POR: variants seen among roughly 807,000 people sequenced by gnomAD.
The protein encoded by POR is cytochrome p450 oxidoreductase, also known as NADPH--cytochrome P450 reductase.
In POR, 56 loss-of-function variants were observed where a neutral mutation model predicts 84.0. That is an observed-to-expected ratio of 0.67 (90% CI 0.54 to 0.83). The LOEUF (loss-of-function observed/expected upper bound fraction) is 0.83, where lower values mean the gene tolerates loss of function less well. Ranked by LOEUF, POR falls within the 40% of genes least tolerant of loss-of-function variation. The pLI is 0.00. For synonymous variants in POR, 414 were observed against 400.5 expected (o/e 1.03, Z -0.40); for missense variants, 938 against 944.3 (o/e 0.99, Z 0.09).
intron 1 of POR, among the ~76,000 whole-genome samples, chr7:75,932,063 C>G (rs782684028): frequency 3.3e-5 from 5 of 152,136 alleles, no homozygotes; most frequent in Middle Eastern, 3.2e-3. Context: ...AGAGGAAGAG[C>G]TGCAGAGAAA....
chr7:75,968,116 C>T, intron 2 of POR: 1 of 455,790 alleles, frequency 2.2e-6, no homozygotes, highest in East Asian at 7.0e-5. Flanking sequence ...CCTGAGGAGC[C>T]CGCTCTGAGA....
chr7:75,923,596 G>A (rs2116220305), intron 1 of POR, among the ~76,000 whole-genome samples: 1 of 152,242 alleles, frequency 6.6e-6, no homozygotes, highest in East Asian at 1.9e-4. Flanking sequence ...TCAAAGGAAA[G>A]ACAGTGGCTG....
intron 4 of POR, 135 bp downstream of exon 4, chr7:75,979,714 C>T: frequency 8.0e-7 from 1 of 1,256,266 alleles, no homozygotes; most frequent in Non-Finnish European, 1.1e-6. Flanking sequence ...AGTTGCCTTC[C>T]CGTGAGGGTC....
intron 1 of POR, among the ~76,000 whole-genome samples, chr7:75,952,143 A>C (rs1277878076): frequency 2.6e-5 from 1 of 38,194 alleles, no homozygotes; most frequent in Admixed American, 3.3e-4. Context: ...CGGGGGGCTG[A>C]CCCCCCCACC....
chr7:75,932,321 C>G (rs1215066819), intron 1 of POR, among the ~76,000 whole-genome samples: 1 of 152,024 alleles, frequency 6.6e-6, no homozygotes, highest in Non-Finnish European at 1.5e-5. Context: ...GCTAGAACTG[C>G]AGGTGTGCAC....
At chr7:75,938,014 G>A (rs1207208066) in intron 1 of POR, among the ~76,000 whole-genome samples, 1 of 152,194 alleles carries the variant, frequency 6.6e-6, no homozygotes. Context: ...ACGGGGAGCT[G>A]CAGCTGCAGC....
At chr7:75,968,557 T>G (rs1037769719) in intron 2 of POR, among the ~76,000 whole-genome samples, 25 of 152,350 alleles carry the variant, frequency 1.6e-4, no homozygotes, top group African/African-American at 6.0e-4. Context: ...GAACTTTGCT[T>G]CTTGGAGCCC....
intron 1 of POR, among the ~76,000 whole-genome samples, chr7:75,953,181 T>C (rs1787526840): frequency 1.3e-5 from 2 of 151,734 alleles, no homozygotes; most frequent in Admixed American, 6.6e-5. Context: ...CAGTCAGGCG[T>C]GGCGGCGCGC....
intron 3 of POR, among the ~76,000 whole-genome samples, chr7:75,977,407 A>C (rs1402125689): frequency 6.6e-6 from 1 of 152,214 alleles, no homozygotes; most frequent in Non-Finnish European, 1.5e-5. Context: ...AGCTACTTCT[A>C]CAGCTGCCTC....
At chr7:75,927,306 G>A (rs1350822841) in intron 1 of POR, among the ~76,000 whole-genome samples, 4 of 152,006 alleles carry the variant, frequency 2.6e-5, no homozygotes, top group Non-Finnish European at 5.9e-5. Context: ...AGGAGTTTGA[G>A]ACCAACCTGG....
intron 3 of POR, among the ~76,000 whole-genome samples, chr7:75,975,856 T>G (rs539229876): frequency 1.8e-4 from 22 of 125,056 alleles, no homozygotes; most frequent in African/African-American, 6.5e-4. Context: ...CTCACTCTGT[T>G]GCCCAGGCTG....
At chr7:75,943,646 C>G (rs1554551803) in intron 1 of POR, 2 of 269,630 alleles carry the variant, frequency 7.4e-6, no homozygotes, top group Admixed American at 4.9e-5. Context: ...TTGTACTAAA[C>G]TTTTCTCAAC....
intron 2 of POR, among the ~76,000 whole-genome samples, chr7:75,970,740 C>T (rs1187883054): frequency 6.7e-6 from 1 of 149,680 alleles, no homozygotes; most frequent in Non-Finnish European, 1.5e-5. Context: ...CAAAGCGAGA[C>T]TCCATCTCAA....
intron 3 of POR, among the ~76,000 whole-genome samples, chr7:75,975,780 G>C (rs1444332238): frequency 2.1e-5 from 3 of 143,656 alleles, no homozygotes; most frequent in African/African-American, 7.7e-5. Context: ...GTGACTTTTA[G>C]GATCAATTTG....
chr7:75,919,187 A>C (rs1806727819), intron 1 of POR, among the ~76,000 whole-genome samples: 1 of 151,988 alleles, frequency 6.6e-6, no homozygotes, highest in Non-Finnish European at 1.5e-5. Flanking sequence ...TCTTGTACTG[A>C]ATATTCTCTT....
In POR at chr7:75,979,443, TTCCTTA is replaced by T. The variant is rs1563429027; in HGVS notation, c.238-7_238-2del. On this transcript the variant is annotated splice_acceptor_variant and splice_polypyrimidine_tract_variant and intron_variant, in intron 3 of 15. Transcript: ENST00000461988. LOFTEE classifies it high-confidence loss of function. ...GGCCCTCACCAACCCTGTGTCTGCC[TTCCTTA>T]GGGGAGGAACATCATCGTGTTCTAC... The T allele has an allele frequency of 6.2e-7, 1 of 1,612,280 alleles. No homozygotes were observed. Among genetic ancestry groups the T allele is most frequent in the East Asian group, 2.2e-5 (1 of 44,854 alleles).
At position 75,980,419 on chromosome 7, in the gene POR, C is replaced by T. The variant is rs782302163; in HGVS notation, c.447C>T (p.Thr149=). ...CCACCTACGGTGAGGGAGACCCCAC[C>T]GACAATGCCCAGGACTTCTACGACT... Residue 149 remains threonine (T), a synonymous_variant, in exon 5 of 16, where the codon ACC becomes ACT. Coordinates refer to ENST00000461988, the MANE Select transcript of POR (RefSeq NM_000941.3). 16 of 1,613,328 alleles carry T rather than the reference C, an allele frequency of 9.9e-6. No homozygotes were observed. The highest frequency in any genetic ancestry group is 3.3e-5 in the Admixed American group (2 of 60,024).
chr7:75,957,628 T>C (rs1787744919), intron 2 of POR, among the ~76,000 whole-genome samples: 2 of 152,172 alleles, frequency 1.3e-5, no homozygotes, highest in Non-Finnish European at 2.9e-5. Context: ...AAGAGGAAGT[T>C]GACATAAAAC....
intron 3 of POR, among the ~76,000 whole-genome samples, chr7:75,978,973 TTTTAGTAGA>T (rs1758985587): frequency 6.6e-6 from 1 of 152,042 alleles, no homozygotes; most frequent in Non-Finnish European, 1.5e-5. Flanking sequence ...ATTTTTGTAG[TTTTAGTAGA>T]GATGGAGTTT....
Sources: gnomAD v4.1 joint callset for allele counts (sites outside exome capture counted in the v4.1 genomes callset) on GRCh38, gnomAD v4.1.1 for gene constraint, MANE v1.5 for transcripts, NCBI Gene and HGNC (gene_info 2026-07-23, HGNC 2026-07-21) for gene names.